The following STK17B variants were observed in gnomAD, a reference collection of about 807,000 sequenced individuals.
STK17B encodes the protein serine/threonine-protein kinase 17B.
STK17B carries 21 observed loss-of-function variants against 42.0 expected under a neutral mutation model. The observed-to-expected ratio is 0.50, with a 90% CI of 0.35 to 0.72. The LOEUF (loss-of-function observed/expected upper bound fraction) is 0.72, where lower values mean the gene tolerates loss of function less well. STK17B is among the 30% of genes least tolerant of loss of function. The probability of loss-of-function intolerance (pLI) is 0.00; values close to 1 mark genes in which losing one functional copy is unlikely to be tolerated. For missense variants in STK17B, 349 were observed against 446.0 expected (o/e 0.78, Z 1.96); for synonymous variants, 143 against 148.4 (o/e 0.96, Z 0.26).
chr2:196,162,296 G>C (rs1320436963), intron 2 of STK17B, among the ~76,000 whole-genome samples: 1 of 152,044 alleles, frequency 6.6e-6, no homozygotes, highest in Non-Finnish European at 1.5e-5. Flanking sequence ...ATTTGTAAAG[G>C]CTTTTTACTT....
intron 5 of STK17B, among the ~76,000 whole-genome samples, chr2:196,143,339 TTACA>T (rs1699519680): frequency 6.6e-6 from 1 of 152,226 alleles, no homozygotes; most frequent in Non-Finnish European, 1.5e-5. Context: ...ACTTGTACAC[TTACA>T]TATTCAGTGT....
At chr2:196,154,947 C>T (rs1699718872) in intron 3 of STK17B, 1 of 152,182 alleles carries the variant, frequency 6.6e-6, no homozygotes, top group Non-Finnish European at 1.5e-5. Flanking sequence ...GTAAGTTCTG[C>T]CAGTTTACTG....
chr2:196,170,781 A>G (rs1699929785), intron 1 of STK17B: 1 of 152,258 alleles, frequency 6.6e-6, no homozygotes, highest in Admixed American at 6.5e-5. Flanking sequence ...CGCTGGTTTT[A>G]AAACACTGTT....
Position 196,156,668 on chromosome 2 carries a change from A to C in STK17B, c.123-17T>G, listed in dbSNP as rs1314437503. On this transcript the variant is annotated splice_polypyrimidine_tract_variant and intron_variant, in intron 2 of 7. Coordinates refer to ENST00000263955, the MANE Select transcript of STK17B (RefSeq NM_004226.4). ...AATTTTCCTCTGGGGGAAGATGAGA[A>C]CAATCAATTTTAATTTTTCTGCAGA... The C allele has an allele frequency of 6.3e-7, 1 of 1,588,626 alleles. No homozygotes were observed. Among genetic ancestry groups the C allele is most frequent in the Non-Finnish European group, 8.6e-7 (1 of 1,164,048 alleles).
At chr2:196,166,834 T>A (rs1699879785) in intron 1 of STK17B, among the ~76,000 whole-genome samples, 1 of 152,222 alleles carries the variant, frequency 6.6e-6, no homozygotes, top group African/African-American at 2.4e-5. Flanking sequence ...TTTATCATGA[T>A]ATTTATTTCA....
chr2:196,174,909 C>T (rs537589004), upstream of STK17B, among the ~76,000 whole-genome samples: 38 of 152,320 alleles, frequency 2.5e-4, no homozygotes, highest in African/African-American at 8.9e-4. Flanking sequence ...TAAAGGGTGA[C>T]ACAGCTTTCC....
chr2:196,163,154 C>G, intron 2 of STK17B, 108 bp downstream of exon 2: 1 of 1,340,772 alleles, frequency 7.5e-7, no homozygotes, highest in South Asian at 1.3e-5. Flanking sequence ...CACAACTTTC[C>G]TTCCTAATCA....
At chr2:196,151,107 A>G (rs1699659688) in intron 3 of STK17B, among the ~76,000 whole-genome samples, 1 of 152,166 alleles carries the variant, frequency 6.6e-6, no homozygotes, top group Non-Finnish European at 1.5e-5. Flanking sequence ...TTACTTAGAG[A>G]TGTTTAGTAG....
intron 4 of STK17B, among the ~76,000 whole-genome samples, chr2:196,144,557 C>T (rs544875724): frequency 8.0e-6 from 1 of 124,244 alleles, no homozygotes; most frequent in African/African-American, 3.1e-5. Context: ...GGGAACAGCA[C>T]AAAAGAAGGC....
chr2:196,167,611 A>G (rs938413304), intron 1 of STK17B, among the ~76,000 whole-genome samples: 1 of 152,248 alleles, frequency 6.6e-6, no homozygotes, highest in Admixed American at 6.5e-5. Flanking sequence ...TTATTTTGTC[A>G]TATACTATAA....
At chr2:196,159,459 C>A (rs532571621) in intron 2 of STK17B, among the ~76,000 whole-genome samples, 1 of 152,082 alleles carries the variant, frequency 6.6e-6, no homozygotes, top group East Asian at 1.9e-4. Context: ...CACAGGCACG[C>A]ACCACCACTC....
At chr2:196,141,931 T>A (rs1428328503) in intron 5 of STK17B, among the ~76,000 whole-genome samples, 1 of 151,584 alleles carries the variant, frequency 6.6e-6, no homozygotes, top group Non-Finnish European at 1.5e-5. Flanking sequence ...AAAAAAAAAT[T>A]AGTTTTATTA....
intron 3 of STK17B, among the ~76,000 whole-genome samples, chr2:196,149,407 G>C (rs1003404572): frequency 6.6e-6 from 1 of 151,876 alleles, no homozygotes; most frequent in Non-Finnish European, 1.5e-5. Context: ...CTCGTGATCC[G>C]CCCGCCTCGG....
In STK17B at chr2:196,139,567, T is replaced by C. The variant is rs138738643; in HGVS notation, c.836+53A>G. The C allele has an allele frequency of 1.0e-4, 118 of 1,124,166 alleles. No homozygotes were observed. The African/African-American group carries it at 1.8e-3, about 17-fold the overall frequency. 69.6% of individuals were successfully genotyped at this position (1,124,166 alleles called of 1,614,324 possible). On this transcript the variant is annotated intron_variant, in intron 7 of 7. Transcript: ENST00000263955. ...TAGGTATATATTATTTATTCTGTAA[T>C]AGTATTTAAACAAATTAAATTTGTA... is the stretch of plus-strand genomic sequence containing the variant.
At chr2:196,149,101 T>G (rs1699624462) in intron 3 of STK17B, among the ~76,000 whole-genome samples, 1 of 152,084 alleles carries the variant, frequency 6.6e-6, no homozygotes, top group Admixed American at 6.6e-5. Flanking sequence ...TCAAAGCAGA[T>G]CGTTTCAATA....
At chr2:196,155,919 C>T (rs1699732142) in intron 3 of STK17B, among the ~76,000 whole-genome samples, 1 of 152,158 alleles carries the variant, frequency 6.6e-6, no homozygotes, top group Admixed American at 6.5e-5. Context: ...GTGCTTTACA[C>T]ATTACATATA....
chr2:196,164,739 C>G (rs190087814), intron 1 of STK17B, among the ~76,000 whole-genome samples: 1 of 152,230 alleles, frequency 6.6e-6, no homozygotes, highest in East Asian at 1.9e-4. Context: ...ATTTTCTCTT[C>G]TTGGTGTTAT....
chr2:196,167,899 A>C (rs1161625866), intron 1 of STK17B, among the ~76,000 whole-genome samples: 2 of 152,334 alleles, frequency 1.3e-5, no homozygotes, highest in East Asian at 3.9e-4. Context: ...TAAGGCATTT[A>C]CTGCTAGCAA....
In STK17B at chr2:196,134,151, T is replaced by C. The variant is rs749780045; in HGVS notation, c.*3296A>G. The C allele has an allele frequency of 3.9e-5, 6 of 152,176 alleles. No individual in the cohort carries two copies. Among genetic ancestry groups the C allele is most frequent in the Non-Finnish European group, 8.8e-5 (6 of 68,024 alleles). 9.4% of individuals were successfully genotyped at this position (152,176 alleles called of 1,614,324 possible). On this transcript the variant is annotated 3_prime_UTR_variant, in exon 8 of 8. Transcript: ENST00000263955. ...AAAGAGGCTTGTGCCAGAATGAAAATCAATTACATCACTAATCATACTGGC... is the reference window on the plus strand; with the variant it reads ...AAAGAGGCTTGTGCCAGAATGAAAACCAATTACATCACTAATCATACTGGC...
Sources: gnomAD v4.1 joint callset for allele counts (sites outside exome capture counted in the v4.1 genomes callset) on GRCh38, gnomAD v4.1.1 for gene constraint, MANE v1.5 for transcripts, NCBI Gene and HGNC (gene_info 2026-07-23, HGNC 2026-07-21) for gene names.